The following EBAG9 variants were observed in gnomAD, a reference collection of about 807,000 sequenced individuals.
EBAG9 encodes receptor-binding cancer antigen expressed on SiSo cells.
Under a neutral mutation model 30.9 loss-of-function variants are expected in EBAG9, and 16 were observed. That is an observed-to-expected ratio of 0.52 (90% CI 0.35 to 0.79). EBAG9 has a LOEUF of 0.79. Ranked by LOEUF, EBAG9 falls within the 30% of genes least tolerant of loss-of-function variation. The probability of loss-of-function intolerance (pLI) is 0.01; values close to 1 mark genes in which losing one functional copy is unlikely to be tolerated. For synonymous variants in EBAG9, 93 were observed against 82.8 expected, an observed-to-expected ratio of 1.12 and a Z score of -0.67; for missense variants, 197 against 242.1, an observed-to-expected ratio of 0.81 and a Z score of 1.24.
chr8:109,563,076 A>G (rs1821741992), intron 6 of EBAG9, among the ~76,000 whole-genome samples: 2 of 152,108 alleles, frequency 1.3e-5, no homozygotes, highest in Non-Finnish European at 2.9e-5. Context: ...TTTATTGAAC[A>G]TCAGCAGAGT....
intron 2 of EBAG9, among the ~76,000 whole-genome samples, chr8:109,551,774 T>G (rs1333355551): frequency 7.9e-5 from 12 of 152,174 alleles, no homozygotes; most frequent in African/African-American, 2.9e-4. Context: ...ACAAGAATGA[T>G]GGTCTCCAGT....
intron 5 of EBAG9, among the ~76,000 whole-genome samples, chr8:109,558,232 A>G (rs578117481): frequency 5.0e-4 from 76 of 152,262 alleles, no homozygotes; most frequent in African/African-American, 1.7e-3. Flanking sequence ...TTGAGTAAAA[A>G]CACTGTTTTT....
chr8:109,550,967 C>T (rs1372034134), intron 2 of EBAG9, 60 bp downstream of exon 2: 1 of 1,148,932 alleles, frequency 8.7e-7, no homozygotes, highest in Non-Finnish European at 1.3e-6. Flanking sequence ...TGGATACCTT[C>T]AAAACTTCAA....
intron 3 of EBAG9, among the ~76,000 whole-genome samples, chr8:109,554,314 A>G (rs565120496): frequency 2.0e-5 from 3 of 152,304 alleles, no homozygotes; most frequent in Admixed American, 1.3e-4. Context: ...GGGTTGTTTC[A>G]TGAACATTTT....
chr8:109,555,003 C>CT, intron 4 of EBAG9, 116 bp downstream of exon 4: 5 of 1,077,478 alleles, frequency 4.6e-6, no homozygotes, highest in Non-Finnish European at 6.5e-6. Flanking sequence ...TTTTTTAATA[C>CT]TTTAAGTTTT....
chr8:109,550,595 G>T, intron 1 of EBAG9: 2 of 368,954 alleles, frequency 5.4e-6, no homozygotes, highest in South Asian at 5.4e-5. Context: ...CAGAATGAAG[G>T]GTTTTATCCT....
chr8:109,563,597 CTTAAG>C (rs1025878747), intron 6 of EBAG9: 4 of 1,452,982 alleles, frequency 2.8e-6, no homozygotes, highest in African/African-American at 1.5e-5. Flanking sequence ...TTTTTTTAAA[CTTAAG>C]TTCAGGGGGA....
At chr8:109,546,762 A>G (rs962497793) in intron 1 of EBAG9, among the ~76,000 whole-genome samples, 1 of 152,208 alleles carries the variant, frequency 6.6e-6, no homozygotes, top group Non-Finnish European at 1.5e-5. Context: ...CTTAAAAAAT[A>G]CTATATATGG....
At chr8:109,549,030 A>G (rs898831190) in intron 1 of EBAG9, among the ~76,000 whole-genome samples, 10 of 150,784 alleles carry the variant, frequency 6.6e-5, no homozygotes, top group Non-Finnish European at 1.2e-4. Context: ...GTCTCATATT[A>G]CTGTAGGTTT....
At chr8:109,550,958 G>T in intron 2 of EBAG9, 51 bp downstream of exon 2, 1 of 1,294,724 alleles carries the variant, frequency 7.7e-7, no homozygotes, top group Non-Finnish European at 1.1e-6. Flanking sequence ...CGCTGGTTTT[G>T]GATACCTTCA....
chr8:109,541,104 T>C (rs779267061), intron 1 of EBAG9, among the ~76,000 whole-genome samples: 1 of 152,206 alleles, frequency 6.6e-6, no homozygotes, highest in Non-Finnish European at 1.5e-5. Flanking sequence ...AGAGTTGTCA[T>C]TTCTTCAAAA....
intron 1 of EBAG9, among the ~76,000 whole-genome samples, chr8:109,544,794 ATTTTT>A (rs990795400): frequency 2.6e-5 from 4 of 152,062 alleles, no homozygotes; most frequent in African/African-American, 9.7e-5. Context: ...GGATTAACAG[ATTTTT>A]TTCCCTCTTT....
At chr8:109,560,982 C>T (rs1821700022) in intron 6 of EBAG9, 53 bp downstream of exon 6, 2 of 1,476,234 alleles carry the variant, frequency 1.4e-6, no homozygotes, top group South Asian at 2.4e-5. Flanking sequence ...AGATTTCTTC[C>T]CTGCTGTGTT....
In EBAG9 at chr8:109,564,420, AAAGTAT is replaced by A; in HGVS notation, c.522-18_522-13del. The A allele has an allele frequency of 6.2e-7, 1 of 1,607,880 alleles. No individual in the cohort carries two copies. The highest frequency in any genetic ancestry group is 8.5e-7 in the Non-Finnish European group (1 of 1,177,404). The stretch of plus-strand genomic sequence containing the variant: ...ACCTGTTTGGTATTTTCTAAAAGTA[AAAGTAT>A]GTTTCTTTTCAGACAGCAGAAACTA... On this transcript the variant is annotated splice_polypyrimidine_tract_variant and intron_variant, in intron 6 of 6. Transcript: ENST00000337573.
chr8:109,557,197 C>A (rs1275743223), intron 5 of EBAG9, among the ~76,000 whole-genome samples, 155 bp downstream of exon 5: 1 of 152,084 alleles, frequency 6.6e-6, no homozygotes, highest in Admixed American at 6.6e-5. Flanking sequence ...TGGAGTTTTA[C>A]CAATCCTAAC....
At position 109,560,942 on chromosome 8, in the gene EBAG9, C is replaced by T. The variant is rs1821698912; in HGVS notation, c.521+13C>T. On this transcript the variant is annotated intron_variant, in intron 6 of 6. Coordinates refer to ENST00000337573, the MANE Select transcript of EBAG9 (RefSeq NM_004215.5). ...AAGAAGTTCTGAGGTATTTGAGTGG[C>T]ATTTATATTGCAACCTGAGTAGAAG... 1 of 1,605,402 alleles carries T rather than the reference C, an allele frequency of 6.2e-7. No individual in the cohort carries two copies. Among genetic ancestry groups the T allele is most frequent in the South Asian group, 1.1e-5 (1 of 90,552 alleles).
chr8:109,544,940 T>C (rs544608787), intron 1 of EBAG9, among the ~76,000 whole-genome samples: 1 of 152,310 alleles, frequency 6.6e-6, no homozygotes, highest in South Asian at 2.1e-4. Context: ...ATATATGCAG[T>C]ACATATATAG....
Position 109,565,024 on chromosome 8 carries a change from A to G in EBAG9, c.*465A>G, listed in dbSNP as rs1821799019. 1.3e-5 allele frequency: 2 copies of G among 152,374 alleles called. No homozygotes were observed. Among genetic ancestry groups the G allele is most frequent in the Admixed American group, 6.6e-5 (1 of 15,238 alleles). 9.4% of individuals were successfully genotyped at this position (152,374 alleles called of 1,614,324 possible). The stretch of plus-strand genomic sequence containing the variant: ...TAAATTGTAGGGCTTTAGCTTTCTT[A>G]TTTTTGTCAAAAGTTGGTGTTGACA... On this transcript the variant is annotated 3_prime_UTR_variant, in exon 7 of 7. Transcript: ENST00000337573.
intron 1 of EBAG9, among the ~76,000 whole-genome samples, chr8:109,542,588 A>T (rs1300327154): frequency 6.6e-6 from 1 of 151,934 alleles, no homozygotes; most frequent in Non-Finnish European, 1.5e-5. Context: ...TTTTTCTTAT[A>T]ATTTTTCAGA....
Sources: gnomAD v4.1 joint callset for allele counts (sites outside exome capture counted in the v4.1 genomes callset) on GRCh38, gnomAD v4.1.1 for gene constraint, MANE v1.5 for transcripts, NCBI Gene and HGNC (gene_info 2026-07-23, HGNC 2026-07-21) for gene names.